Variants in POMC observed in about 807,000 individuals in gnomAD.
POMC encodes pro-opiomelanocortin.
Under a neutral mutation model 18.5 loss-of-function variants are expected in POMC, and 19 were observed. The observed-to-expected ratio is 1.03, with a 90% confidence interval of 0.72 to 1.51. The LOEUF is 1.51. POMC is among the 40% of genes most tolerant of loss of function. The probability of loss-of-function intolerance (pLI) is 0.00; values close to 1 mark genes in which losing one functional copy is unlikely to be tolerated. For synonymous variants in POMC, 179 were observed against 161.9 expected (o/e 1.11, Z -0.80); for missense variants, 451 against 379.0 (o/e 1.19, Z -1.58).
chr2:25,161,264 GTGCTCCAGGTCGGCCTGGGCCCC>G lies in POMC; in HGVS notation c.598_620del (p.Gly200GlnfsTer107), dbSNP rs772578814. 1.9e-6 allele frequency: 3 copies of G among 1,612,294 alleles called. No homozygotes were observed. Among genetic ancestry groups the G allele is most frequent in the Non-Finnish European group, 2.5e-6 (3 of 1,179,192 alleles). Reference sequence around the variant, plus strand: ...TCTTCTCGGCCGCCACCAGCAGGCTGTGCTCCAGGTCGGCCTGGGCCCCTGCGCCGTCATCGGCAGGGCCGTCG... The same window carrying G: ...TCTTCTCGGCCGCCACCAGCAGGCTGTGCGCCGTCATCGGCAGGGCCGTCG... On this transcript the variant is annotated frameshift_variant, in exon 3 of 3. Transcript: ENST00000395826. LOFTEE classifies it high-confidence loss of function. The surrounding 1 kb of genome is among the most constrained non-coding windows in gnomAD (Gnocchi z 5.7).
In POMC at chr2:25,161,587, C is replaced by A. The variant is rs781340039; in HGVS notation, c.298G>T (p.Ala100Ser). ...RNSSSSGSSGAGQKREDVSAG... is the reference protein window; with the variant it reads ...RNSSSSGSSGSGQKREDVSAG... ...GAGACGTCCTCGCGCTTCTGCCCTGCGCCGCTGCTGCCGCTGCTGCTGCTG... is the reference window on the plus strand; with the variant it reads ...GAGACGTCCTCGCGCTTCTGCCCTGAGCCGCTGCTGCCGCTGCTGCTGCTG... Residue 100 changes from alanine to serine, a missense_variant, in exon 3 of 3, where the codon GCA becomes TCA. By Grantham distance (99) the Ala-to-Ser change is moderately conservative (BLOSUM62 1). Coordinates refer to ENST00000395826, the MANE Select transcript of POMC (RefSeq NM_000939.4). This position sits in a 1 kb window ranked among gnomAD's most constrained non-coding sequence, Gnocchi z 5.7. The A allele has an allele frequency of 6.4e-7, 1 of 1,557,898 alleles. No homozygotes were observed. Among genetic ancestry groups the A allele is most frequent in the Non-Finnish European group, 8.7e-7 (1 of 1,151,364 alleles).
rs866305615 is a variant in POMC at position 25,164,700 on chromosome 2, G to A, written c.73C>T (p.Arg25Cys). The change falls in exon 2 of 3, where the codon CGT (arginine) becomes TGT (cysteine). Residue 25 changes from arginine to cysteine, a missense_variant. Coordinates refer to ENST00000395826, the MANE Select transcript of POMC (RefSeq NM_000939.4). ...TGGCTGCTCTCCAGGCACCAGCCAC[G>A]CACTTCCATGGAGGCCTGAAGCAGC... ...ALLLQASMEVRGWCLESSQCQ... is the reference protein window; with the variant it reads ...ALLLQASMEVCGWCLESSQCQ... 32 of 1,614,048 alleles carry A rather than the reference G, an allele frequency of 2.0e-5. No homozygotes were observed. The highest frequency in any genetic ancestry group is 8.3e-5 in the Admixed American group (5 of 60,014).
chr2:25,163,811 G>A (rs1416303128), intron 2 of POMC, among the ~76,000 whole-genome samples: 1 of 152,142 alleles, frequency 6.6e-6, no homozygotes, highest in Non-Finnish European at 1.5e-5. Flanking sequence ...TTTTGTAGAA[G>A]TGGAGGTCTC....
rs758527241 is a variant in POMC, at chr2:25,161,328, C to T, written c.557G>A (p.Arg186Gln). The stretch of plus-strand genomic sequence containing the variant: ...AGGGCCGTCGGGGCCATCTCCCTCC[C>T]GGAGTCGCTGGCCAGTCAGCTCCCT... ...FKRELTGQRL[R>Q]EGDGPDGPAD... Residue 186 changes from arginine to glutamine, a missense_variant, in exon 3 of 3, where the codon CGG becomes CAG. Physicochemically the swap from Arg to Gln is conservative, Grantham distance 43. Coordinates refer to ENST00000395826, the MANE Select transcript of POMC (RefSeq NM_000939.4). The surrounding 1 kb of genome is among the most constrained non-coding windows in gnomAD (Gnocchi z 5.7). 3.7e-6 allele frequency: 6 copies of T among 1,606,618 alleles called. No homozygotes were observed. The Admixed American group carries it at 8.5e-5, about 23-fold the overall frequency.
Position 25,164,687 on chromosome 2 carries a change from A to G in POMC, c.86T>C (p.Leu29Pro). Residue 29 changes from leucine to proline, a missense_variant, in exon 2 of 3, where the codon CTG becomes CCG. Transcript: ENST00000395826. Reference protein sequence around the residue: ...QASMEVRGWCLESSQCQDLTT... With the variant: ...QASMEVRGWCPESSQCQDLTT... Reference sequence around the variant, plus strand: ...GAGGTCCTGACACTGGCTGCTCTCCAGGCACCAGCCACGCACTTCCATGGA... The same window carrying G: ...GAGGTCCTGACACTGGCTGCTCTCCGGGCACCAGCCACGCACTTCCATGGA... 6.2e-7 allele frequency: 1 copy of G among 1,614,138 alleles called. No homozygotes were observed. Among genetic ancestry groups the G allele is most frequent in the Non-Finnish European group, 8.5e-7 (1 of 1,180,026 alleles).
chr2:25,164,484 T>C (rs1272830833), intron 2 of POMC, among the ~76,000 whole-genome samples, 157 bp downstream of exon 2: 2 of 152,236 alleles, frequency 1.3e-5, no homozygotes, highest in Non-Finnish European at 2.9e-5. Flanking sequence ...TCTTCTCCCA[T>C]TTCTTACTTC....
At position 25,168,444 on chromosome 2, in the gene POMC, C is replaced by G. The variant is rs1480872463; in HGVS notation, c.-21+54G>C. 1 of 152,242 alleles carries G rather than the reference C, an allele frequency of 6.6e-6. No homozygotes were observed. Among genetic ancestry groups the G allele is most frequent in the Admixed American group, 6.5e-5 (1 of 15,280 alleles). The allele number at this position is 152,242 out of a possible 1,614,324, so 9.4% of individuals were successfully genotyped here. The stretch of plus-strand genomic sequence containing the variant: ...GAGCCGGCCGACTGCATCGCGAGGA[C>G]GGGGACAGGGGATCCCGGGGAAAGA... On this transcript the variant is annotated intron_variant, in intron 1 of 2. Transcript: ENST00000395826. The surrounding 1 kb of genome is among the most constrained non-coding windows in gnomAD (Gnocchi z 5.2).
In POMC at chr2:25,161,043, C is replaced by T. The variant is rs777864549; in HGVS notation, c.*38G>A. 15 of 1,613,522 alleles carry T rather than the reference C, an allele frequency of 9.3e-6. No individual in the cohort carries two copies. The highest frequency in any genetic ancestry group is 1.3e-5 in the Non-Finnish European group (15 of 1,179,882). ...GAGAGCAAGGGGCTTTGGGGTCGAC[C>T]TCCTGGGGGAGGGTAGCCCTGGGGC... On this transcript the variant is annotated 3_prime_UTR_variant, in exon 3 of 3. Coordinates refer to ENST00000395826, the MANE Select transcript of POMC (RefSeq NM_000939.4). The surrounding 1 kb of genome is among the most constrained non-coding windows in gnomAD (Gnocchi z 5.7).
Position 25,164,623 on chromosome 2 carries a change from C to T in POMC, c.132+18G>A. On this transcript the variant is annotated intron_variant, in intron 2 of 2. Transcript: ENST00000395826. ...CCATCTAATGTCTAAGCCAAGATGG[C>T]AGTCATGGCCCACGTACCAGCAGGT... is the stretch of plus-strand genomic sequence containing the variant. The T allele has an allele frequency of 1.9e-6, 3 of 1,613,920 alleles. No homozygotes were observed. Among genetic ancestry groups the T allele is most frequent in the Non-Finnish European group, 2.5e-6 (3 of 1,179,802 alleles).
chr2:25,166,096 CT>C (rs1478591933), intron 1 of POMC, among the ~76,000 whole-genome samples: 4 of 152,200 alleles, frequency 2.6e-5, no homozygotes, highest in Non-Finnish European at 4.4e-5. Context: ...CTCTGAAGCG[CT>C]GATTTCTACT....
chr2:25,162,099 C>T, intron 2 of POMC, among the ~76,000 whole-genome samples: 1 of 152,144 alleles, frequency 6.6e-6, no homozygotes, highest in East Asian at 1.9e-4. Flanking sequence ...TGTTATATGC[C>T]TGACATAAAG....
At position 25,164,526 on chromosome 2, in the gene POMC, A is replaced by G. The variant is rs574485920; in HGVS notation, c.132+115T>C. On this transcript the variant is annotated intron_variant, in intron 2 of 2. Coordinates refer to ENST00000395826, the MANE Select transcript of POMC (RefSeq NM_000939.4). Reference sequence around the variant, plus strand: ...AAGTTTTGCTCCTGCCCTGGATTGAATCACGCCTATCACTGGGAATGAATT... The same window carrying G: ...AAGTTTTGCTCCTGCCCTGGATTGAGTCACGCCTATCACTGGGAATGAATT... The G allele has an allele frequency of 3.9e-6, 6 of 1,539,412 alleles. No homozygotes were observed. In the South Asian group the frequency reaches 6.8e-5, roughly 17 times the overall value.
rs8192606 is a variant in POMC at position 25,161,491 on chromosome 2, G to C, written c.394C>G (p.Pro132Ala). Residue 132 changes from proline (P) to alanine (A), a missense_variant, in exon 3 of 3, where the codon CCG becomes GCG. Physicochemically the swap from Pro to Ala is conservative, Grantham distance 27. Transcript: ENST00000395826. The surrounding 1 kb of genome is among the most constrained non-coding windows in gnomAD (Gnocchi z 5.7). Reference sequence around the variant, plus strand: ...GAGTAGGAGCGCTTGCCCTCGCGCGGGCCCGGCTTGGCACCATCGCTGCGG... The same window carrying C: ...GAGTAGGAGCGCTTGCCCTCGCGCGCGCCCGGCTTGGCACCATCGCTGCGG... ...EPRSDGAKPGPREGKRSYSME... is the reference protein window; with the variant it reads ...EPRSDGAKPGAREGKRSYSME... 2.0e-3 allele frequency: 3,141 copies of C among 1,604,582 alleles called. 5 individuals carry two copies. The highest frequency in any genetic ancestry group is 2.4e-3 in the Non-Finnish European group (2,860 of 1,176,672).
In POMC at chr2:25,161,673, GT is replaced by G; in HGVS notation, c.211del (p.Thr71ProfsTer87). Reference sequence around the variant, plus strand: ...CATGACGTACTTCCGGGGGTTCTCGGTCAGAGGCTGCTCGTCGCCATTTCCC... The same window carrying G: ...CATGACGTACTTCCGGGGGTTCTCGGCAGAGGCTGCTCGTCGCCATTTCCC... ...FPGNGDEQPL[T>X]ENPRKYVMGH... On this transcript the variant is annotated frameshift_variant, in exon 3 of 3. Transcript: ENST00000395826. LOFTEE classifies it high-confidence loss of function. The surrounding 1 kb of genome is among the most constrained non-coding windows in gnomAD (Gnocchi z 5.7). 6.4e-7 allele frequency: 1 copy of G among 1,566,880 alleles called. No individual in the cohort carries two copies. The highest frequency in any genetic ancestry group is 1.2e-5 in the South Asian group (1 of 85,216).
chr2:25,165,905 G>C (rs1326651260), intron 1 of POMC, among the ~76,000 whole-genome samples: 1 of 152,258 alleles, frequency 6.6e-6, no homozygotes, highest in African/African-American at 2.4e-5. Flanking sequence ...TCAGCCAGCT[G>C]CTAGAAAGAA....
In POMC at chr2:25,168,155, A is replaced by C. The variant is rs1671620626; in HGVS notation, c.-21+343T>G. ...GGCAACAAGAGCGAAACTCCGTCTC[A>C]AAAAAAAAAAAAAAGACCGGGTTGT... On this transcript the variant is annotated intron_variant, in intron 1 of 2. Transcript: ENST00000395826. This position sits in a 1 kb window ranked among gnomAD's most constrained non-coding sequence, Gnocchi z 5.2. 1.2e-5 allele frequency among the ~76,000 whole-genome samples: 1 copy of C among 85,766 alleles called. No homozygotes were observed. Among genetic ancestry groups the C allele is most frequent in the Non-Finnish European group, 2.4e-5 (1 of 41,822 alleles). 56.3% of individuals were successfully genotyped at this position (85,766 alleles called of 152,430 possible). A position where few individuals can be genotyped will look rare whatever the true frequency, so the allele number is the denominator to read the frequency against.
In POMC at chr2:25,161,032, T is replaced by G; in HGVS notation, c.*49A>C. On this transcript the variant is annotated 3_prime_UTR_variant, in exon 3 of 3. Coordinates refer to ENST00000395826, the MANE Select transcript of POMC (RefSeq NM_000939.4). The surrounding 1 kb of genome is among the most constrained non-coding windows in gnomAD (Gnocchi z 5.7). ...GCAGGGCAGGGGAGAGCAAGGGGCT[T>G]TGGGGTCGACCTCCTGGGGGAGGGT... The G allele has an allele frequency of 1.2e-6, 2 of 1,612,716 alleles. No individual in the cohort carries two copies. The highest frequency in any genetic ancestry group is 1.7e-6 in the Non-Finnish European group (2 of 1,179,706).
In POMC at chr2:25,161,097, T is replaced by C; in HGVS notation, c.788A>G (p.Tyr263Cys). The change falls in exon 3 of 3, where the codon TAC (tyrosine) becomes TGC (cysteine). Residue 263 changes from tyrosine to cysteine, a missense_variant. Transcript: ENST00000395826. The surrounding 1 kb of genome is among the most constrained non-coding windows in gnomAD (Gnocchi z 5.7). ...GCTGTGCCCTCACTCGCCCTTCTTG[T>C]AGGCGTTCTTGATGATGGCGTTTTT... ...LFKNAIIKNA[Y>C]KKGE 1 of 1,613,504 alleles carries C rather than the reference T, an allele frequency of 6.2e-7. No homozygotes were observed. Among genetic ancestry groups the C allele is most frequent in the Middle Eastern group, 1.6e-4 (1 of 6,062 alleles).
chr2:25,162,639 G>A (rs985606086), intron 2 of POMC, among the ~76,000 whole-genome samples: 8 of 152,078 alleles, frequency 5.3e-5, no homozygotes, highest in Admixed American at 2.6e-4. Context: ...AACCTGGGAG[G>A]TGGAGCTTGC....
Sources: gnomAD v4.1 joint callset for allele counts (sites outside exome capture counted in the v4.1 genomes callset) on GRCh38, gnomAD v4.1.1 for gene constraint, Gnocchi (gnomAD v3.1) non-coding constraint, MANE v1.5 for transcripts, NCBI Gene and HGNC (gene_info 2026-07-23, HGNC 2026-07-21) for gene names.